Variants in PFKM observed in about 807,000 individuals in gnomAD.
PFKM encodes phosphofructokinase, muscle.
A neutral mutation model predicts 95.5 loss-of-function variants in PFKM; 58 were observed. That is an observed-to-expected ratio of 0.61 (90% CI 0.49 to 0.76). The LOEUF (loss-of-function observed/expected upper bound fraction) is 0.76, where lower values mean the gene tolerates loss of function less well. Among genes scored for constraint, PFKM ranks in the 30% least tolerant of loss-of-function variants. The pLI, the probability that PFKM is intolerant of heterozygous loss-of-function variation, is 0.00. For missense variants in PFKM, 678 were observed against 1,005.4 expected (o/e 0.67, Z 4.40); for synonymous variants, 336 against 357.2 (o/e 0.94, Z 0.67).
At chr12:48,126,669 T>C (rs1948873994) in intron 2 of PFKM, among the ~76,000 whole-genome samples, 1 of 152,194 alleles carries the variant, frequency 6.6e-6, no homozygotes, top group Admixed American at 6.5e-5. Context: ...TTTACTCAGC[T>C]TGGGAACAGG....
chr12:48,130,336 C>A (rs181664132), intron 2 of PFKM, 27 bp from the exon 3 acceptor site: 1 of 1,589,266 alleles, frequency 6.3e-7, no homozygotes, highest in East Asian at 2.2e-5. Context: ...GCAACCTCTC[C>A]GTGACTTCTT....
At chr12:48,116,154 C>T (rs1947659123), upstream of PFKM, among the ~76,000 whole-genome samples, 1 of 147,812 alleles carries the variant, frequency 6.8e-6, no homozygotes, top group Non-Finnish European at 1.5e-5. Context: ...CTCTCTCTCC[C>T]TCACTCCCTG....
At chr12:48,139,466 C>A in intron 12 of PFKM, 117 bp downstream of exon 12, 1 of 809,666 alleles carries the variant, frequency 1.2e-6, no homozygotes, top group Non-Finnish European at 2.1e-6. Context: ...TTCTGATTCT[C>A]TCTGCAGCAA....
At chr12:48,136,912 C>T (rs1412760840) in intron 10 of PFKM, among the ~76,000 whole-genome samples, 2 of 151,460 alleles carry the variant, frequency 1.3e-5, no homozygotes, top group Non-Finnish European at 2.9e-5. Context: ...TGCCACCATG[C>T]CCAGCTAATT....
chr12:48,144,364 G>T (rs1950843320), intron 20 of PFKM, among the ~76,000 whole-genome samples: 1 of 152,122 alleles, frequency 6.6e-6, no homozygotes, highest in Admixed American at 6.5e-5. Context: ...AGATTATATG[G>T]TCTATCCTTT....
chr12:48,146,381 T>C lies in PFKM; in HGVS notation c.*673T>C, dbSNP rs1205031690. On this transcript the variant is annotated 3_prime_UTR_variant, in exon 23 of 23. Coordinates refer to ENST00000359794, the MANE Select transcript of PFKM (RefSeq NM_000289.6). ...ACAGTTCTTTAGTGGGAAGAGAAAT[T>C]AACAATAAATATCAAGCACTGTGGT... The C allele has an allele frequency of 3.3e-5, 5 of 152,960 alleles. No individual in the cohort carries two copies. Among genetic ancestry groups the C allele is most frequent in the African/African-American group, 9.7e-5 (4 of 41,432 alleles). 9.5% of individuals were successfully genotyped at this position (152,960 alleles called of 1,614,324 possible).
intron 11 of PFKM, among the ~76,000 whole-genome samples, chr12:48,138,784 G>C (rs1484970805): frequency 6.6e-6 from 1 of 152,204 alleles, no homozygotes; most frequent in Non-Finnish European, 1.5e-5. Context: ...GCCAGGCACG[G>C]TGGCTCACGC....
At chr12:48,105,571 A>C, upstream of PFKM, 1 of 490,310 alleles carries the variant, frequency 2.0e-6, no homozygotes, top group Non-Finnish European at 4.1e-6. Context: ...ACGCAGAAGT[A>C]GTCAAGAAAT....
chr12:48,122,419 A>G (rs1258996084), intron 1 of PFKM: 1 of 197,370 alleles, frequency 5.1e-6, no homozygotes, highest in Non-Finnish European at 9.1e-6. Flanking sequence ...GGGATCGTTG[A>G]GGCTAACTCA....
chr12:48,123,755 A>T (rs1311105351), intron 2 of PFKM, among the ~76,000 whole-genome samples: 1 of 152,190 alleles, frequency 6.6e-6, no homozygotes, highest in East Asian at 1.9e-4. Flanking sequence ...GTTTTGAAGA[A>T]GTTGAATTCC....
In PFKM at chr12:48,142,298, C is replaced by A. The variant is rs1414256727; in HGVS notation, c.1653+232C>A. 7.2e-6 allele frequency: 4 copies of A among 557,422 alleles called. No individual in the cohort carries two copies. In the Admixed American group the frequency reaches 8.8e-5, roughly 12 times the overall value. 34.5% of individuals were successfully genotyped at this position (557,422 alleles called of 1,614,324 possible). On this transcript the variant is annotated intron_variant, in intron 17 of 22. Coordinates refer to ENST00000359794, the MANE Select transcript of PFKM (RefSeq NM_000289.6). ...GAGCAGCCTGGCCAACATGGTGAAA[C>A]CCCATCTCTACTAAAAATACAAAAA...
intron 18 of PFKM, among the ~76,000 whole-genome samples, chr12:48,143,184 G>A (rs1950727064): frequency 6.6e-6 from 1 of 152,132 alleles, no homozygotes; most frequent in Non-Finnish European, 1.5e-5. Context: ...GCCCTTTATG[G>A]GCATTTTTGC....
chr12:48,144,275 C>T (rs1950833777), intron 20 of PFKM, 118 bp downstream of exon 20: 13 of 745,022 alleles, frequency 1.7e-5, no homozygotes, highest in Non-Finnish European at 3.1e-5. Flanking sequence ...AGGAGCCTGT[C>T]AGTGCCATCA....
At chr12:48,139,435 A>G (rs1950391439) in intron 12 of PFKM, 86 bp downstream of exon 12, 1 of 1,006,734 alleles carries the variant, frequency 9.9e-7, no homozygotes, top group East Asian at 2.4e-5. Context: ...GGCCCAAAAC[A>G]TGAGCTTCTG....
At chr12:48,137,611 T>A in intron 10 of PFKM, 110 bp from the exon 11 acceptor site, 1 of 1,287,250 alleles carries the variant, frequency 7.8e-7, no homozygotes, top group Non-Finnish European at 1.1e-6. Flanking sequence ...TTCTTAATTG[T>A]GAGACTCAGT....
chr12:48,108,619 A>G (rs1382197724), intron 3 of PFKM, among the ~76,000 whole-genome samples: 2 of 152,210 alleles, frequency 1.3e-5, no homozygotes, highest in Non-Finnish European at 2.9e-5. Context: ...ATTGTAAAAA[A>G]TTTTCATCTT....
At chr12:48,123,715 A>G (rs1382029692) in intron 2 of PFKM, among the ~76,000 whole-genome samples, 1 of 152,148 alleles carries the variant, frequency 6.6e-6, no homozygotes. Flanking sequence ...TGCGCTAAGG[A>G]CCCACTTTGT....
intron 13 of PFKM, among the ~76,000 whole-genome samples, chr12:48,140,215 G>C (rs1258182061): frequency 6.6e-6 from 1 of 152,192 alleles, no homozygotes; most frequent in Non-Finnish European, 1.5e-5. Context: ...GGGAAAATAT[G>C]GGAATAATCA....
chr12:48,134,393 T>G, intron 7 of PFKM, 117 bp downstream of exon 7: 1 of 893,780 alleles, frequency 1.1e-6, no homozygotes, highest in East Asian at 2.4e-5. Context: ...CACATGCTCC[T>G]TGTGGTGTGG....
Sources: gnomAD v4.1 joint callset for allele counts (sites outside exome capture counted in the v4.1 genomes callset) on GRCh38, gnomAD v4.1.1 for gene constraint, MANE v1.5 for transcripts, NCBI Gene and HGNC (gene_info 2026-07-23, HGNC 2026-07-21) for gene names.